Variants in TPP1 observed in about 807,000 individuals in gnomAD.
TPP1 encodes tripeptidyl-peptidase 1.
TPP1 carries 43 observed loss-of-function variants against 67.6 expected under a neutral mutation model. That is an observed-to-expected ratio of 0.64 (90% CI 0.50 to 0.82). The LOEUF (loss-of-function observed/expected upper bound fraction) is 0.82, where lower values mean the gene tolerates loss of function less well. Ranked by LOEUF, TPP1 falls within the 40% of genes least tolerant of loss-of-function variation. TPP1 has a pLI of 0.00. For missense variants in TPP1, 671 were observed against 710.9 expected, an observed-to-expected ratio of 0.94 and a Z score of 0.64; for synonymous variants, 272 against 281.5, an observed-to-expected ratio of 0.97 and a Z score of 0.34.
At position 6,619,388 on chromosome 11, in the gene TPP1, C is replaced by A. The variant is rs1216441144; in HGVS notation, c.13G>T (p.Ala5Ser). 7 of 1,614,224 alleles carry A rather than the reference C, an allele frequency of 4.3e-6. No individual in the cohort carries two copies. The highest frequency in any genetic ancestry group is 1.7e-5 in the Admixed American group (1 of 60,028). MGLQACLLGLFALIL... is the reference protein window; with the variant it reads MGLQSCLLGLFALIL... ...CGAGCCCTCTCAATTTCTCACCAGGCTTGGAGTCCCATTCTGCCCTTCCGC... is the reference window on the plus strand; with the variant it reads ...CGAGCCCTCTCAATTTCTCACCAGGATTGGAGTCCCATTCTGCCCTTCCGC... The change falls in exon 1 of 13, where the codon GCC (alanine) becomes TCC (serine). Residue 5 changes from alanine (A) to serine (S), a missense_variant. Ala to Ser is a moderately conservative substitution (Grantham distance 99). Coordinates refer to ENST00000299427, the MANE Select transcript of TPP1 (RefSeq NM_000391.4).
At position 6,613,844 on chromosome 11, in the gene TPP1, A is replaced by G. The variant is rs952612041; in HGVS notation, c.*702T>C. 3 of 153,000 alleles carry G rather than the reference A, an allele frequency of 2.0e-5. No homozygotes were observed. The highest frequency in any genetic ancestry group is 2.0e-4 in the Admixed American group (3 of 15,318). The allele number at this position is 153,000 out of a possible 1,614,324, so 9.5% of individuals were successfully genotyped here. A position where few individuals can be genotyped will look rare whatever the true frequency, so the allele number is the denominator to read the frequency against. On this transcript the variant is annotated 3_prime_UTR_variant, in exon 13 of 13. Coordinates refer to ENST00000299427, the MANE Select transcript of TPP1 (RefSeq NM_000391.4). ...GACGATGAAATGTTGAGTATCACGC[A>G]TCTTACATTTGAGGTATCAATCATT...
Position 6,616,758 on chromosome 11 carries a change from T to A in TPP1, c.789A>T (p.Gln263His). ...HQASVARVVG[Q>H]QGRGRAGIEA... ...CAATCCCGGCCCGGCCCCGGCCCTGTTGTCCAACCACACGGGCTACTGATG... is the reference window on the plus strand; with the variant it reads ...CAATCCCGGCCCGGCCCCGGCCCTGATGTCCAACCACACGGGCTACTGATG... The change falls in exon 7 of 13, where the codon CAA (glutamine) becomes CAT (histidine). Residue 263 changes from glutamine (Q) to histidine (H), a missense_variant. By Grantham distance (24) the Gln-to-His change is conservative (BLOSUM62 0). Transcript: ENST00000299427. 1 of 1,614,040 alleles carries A rather than the reference T, an allele frequency of 6.2e-7. No individual in the cohort carries two copies. Among genetic ancestry groups the A allele is most frequent in the Non-Finnish European group, 8.5e-7 (1 of 1,180,002 alleles).
chr11:6,619,027 G>T, intron 2 of TPP1, 112 bp from the exon 3 acceptor site: 1 of 1,529,522 alleles, frequency 6.5e-7, no homozygotes, highest in Non-Finnish European at 9.0e-7. Context: ...CCTAGGAGCA[G>T]ATACAGATCA....
At position 6,614,485 on chromosome 11, in the gene TPP1, T is replaced by A; in HGVS notation, c.*61A>T. 1 of 1,610,906 alleles carries A rather than the reference T, an allele frequency of 6.2e-7. No individual in the cohort carries two copies. Among genetic ancestry groups the A allele is most frequent in the South Asian group, 1.1e-5 (1 of 90,932 alleles). On this transcript the variant is annotated 3_prime_UTR_variant, in exon 13 of 13. Transcript: ENST00000299427. ...CAGCAGGGCTTCCAACAGGGCAGAA[T>A]AAGGGACTGAACTGCCAGCTTCAGG... is the stretch of plus-strand genomic sequence containing the variant.
intron 2 of TPP1, 41 bp downstream of exon 2, chr11:6,619,155 A>G (rs1332505462): frequency 6.2e-7 from 1 of 1,610,916 alleles, no homozygotes; most frequent in South Asian, 1.1e-5. Flanking sequence ...GAGGCAGAAC[A>G]GGGTATGGGG....
Position 6,617,130 on chromosome 11 carries a change from G to C in TPP1, c.532C>G (p.Pro178Ala), listed in dbSNP as rs149986601. Residue 178 changes from proline to alanine, a missense_variant, in exon 6 of 13, where the codon CCA becomes GCA. Pro to Ala is a conservative substitution (Grantham distance 27). Transcript: ENST00000299427. ...DFVGGLHRFP[P>A]TSSLRQRPEP... Reference sequence around the variant, plus strand: ...GGACGTTGCCTCAGGGATGATGTTGGGGGAAAACGGTGCAGTCCCCCCACT... The same window carrying C: ...GGACGTTGCCTCAGGGATGATGTTGCGGGAAAACGGTGCAGTCCCCCCACT... 9.9e-6 allele frequency: 16 copies of C among 1,613,964 alleles called. No individual in the cohort carries two copies. Among genetic ancestry groups the C allele is most frequent in the Non-Finnish European group, 1.4e-5 (16 of 1,180,000 alleles).
chr11:6,614,983 A>G lies in TPP1; in HGVS notation c.1434T>C (p.Thr478=), dbSNP rs1855555887. The change falls in exon 12 of 13, where the codon ACT becomes ACC. Residue 478 remains threonine, a synonymous_variant. Coordinates refer to ENST00000299427, the MANE Select transcript of TPP1 (RefSeq NM_000391.4). The stretch of plus-strand genomic sequence containing the variant: ...AGGATAGGATCCCCCCAAACACTGG[A>G]GTAGAGGCCTACAAGAGTGAAGGTG... ...IPWVSGTSAS[T]PVFGGILSLI... is the part of the protein sequence containing the mutation. The G allele has an allele frequency of 1.2e-6, 2 of 1,614,078 alleles. No homozygotes were observed. The highest frequency in any genetic ancestry group is 1.6e-4 in the Middle Eastern group (1 of 6,062).
chr11:6,615,948 A>T, intron 9 of TPP1, 57 bp downstream of exon 9: 1 of 1,583,140 alleles, frequency 6.3e-7, no homozygotes, highest in Non-Finnish European at 8.7e-7. Flanking sequence ...GTTCTACATC[A>T]TGAGATCACA....
At chr11:6,619,074 T>C (rs1855629855) in intron 2 of TPP1, 122 bp downstream of exon 2, 5 of 1,471,434 alleles carry the variant, frequency 3.4e-6, no homozygotes, top group Non-Finnish European at 4.7e-6. Flanking sequence ...GCTAGGAACA[T>C]AGAGATGAAG....
rs1057516264 is a variant in TPP1 at position 6,614,967 on chromosome 11, TC to T, written c.1449del (p.Ile484SerfsTer4). ...GTSASTPVFG[G>X]ILSLINEHRI... ...CTGTGCTCATTGATCAAGGATAGGATCCCCCCAAACACTGGAGTAGAGGCCT... is the reference window on the plus strand; with the variant it reads ...CTGTGCTCATTGATCAAGGATAGGATCCCCCAAACACTGGAGTAGAGGCCT... On this transcript the variant is annotated frameshift_variant, in exon 12 of 13. Coordinates refer to ENST00000299427, the MANE Select transcript of TPP1 (RefSeq NM_000391.4). LOFTEE classifies it high-confidence loss of function. 6.2e-7 allele frequency: 1 copy of T among 1,613,852 alleles called. No individual in the cohort carries two copies. Among genetic ancestry groups the T allele is most frequent in the Non-Finnish European group, 8.5e-7 (1 of 1,179,980 alleles).
intron 2 of TPP1, 86 bp from the exon 3 acceptor site, chr11:6,619,001 A>T: frequency 1.3e-6 from 2 of 1,585,206 alleles, no homozygotes; most frequent in South Asian, 1.1e-5. Context: ...TTAGGAGCTG[A>T]GACCTTGGGG....
chr11:6,614,966 A>G lies in TPP1; in HGVS notation c.1451T>C (p.Ile484Thr), dbSNP rs748533410. The change falls in exon 12 of 13, where the codon ATC becomes ACC. Residue 484 changes from isoleucine to threonine, a missense_variant. Ile to Thr is a moderately conservative substitution (Grantham distance 89). Coordinates refer to ENST00000299427, the MANE Select transcript of TPP1 (RefSeq NM_000391.4). ...CCTGTGCTCATTGATCAAGGATAGG[A>G]TCCCCCCAAACACTGGAGTAGAGGC... The part of the protein sequence containing the change: ...TSASTPVFGG[I>T]LSLINEHRIL... 3 of 1,614,110 alleles carry G rather than the reference A, an allele frequency of 1.9e-6. No individual in the cohort carries two copies. In the Admixed American group the frequency reaches 5.0e-5, roughly 27 times the overall value.
At chr11:6,615,351 G>A (rs1424363006) in intron 10 of TPP1, 22 bp from the exon 11 acceptor site, 5 of 1,614,056 alleles carry the variant, frequency 3.1e-6, no homozygotes, top group Middle Eastern at 1.6e-4. Context: ...TTTTGAGTGA[G>A]TATTGGCATG....
chr11:6,616,005 C>G lies in TPP1; in HGVS notation c.1145G>C (p.Ser382Thr), dbSNP rs761448855. The change falls in exon 9 of 13, where the codon AGC becomes ACC. Residue 382 changes from serine (S) to threonine (T), a missense_variant and splice_region_variant. Transcript: ENST00000299427. ...CTGAGTGGTAGGCTAGAGTACTTAC[C>G]TGGAGGCAGGGAAGGTAGGGCGGAA... is the stretch of plus-strand genomic sequence containing the variant. The part of the protein sequence containing the change: ...HQFRPTFPAS[S>T]PYVTTVGGTS... 6.2e-7 allele frequency: 1 copy of G among 1,614,156 alleles called. No homozygotes were observed. Among genetic ancestry groups the G allele is most frequent in the South Asian group, 1.1e-5 (1 of 91,080 alleles).
Position 6,618,501 on chromosome 11 carries a change from A to G in TPP1, c.229+275T>C. 2.2e-5 allele frequency: 13 copies of G among 595,632 alleles called. No individual in the cohort carries two copies. In the South Asian group the frequency reaches 2.6e-4, roughly 12 times the overall value. 36.9% of individuals were successfully genotyped at this position (595,632 alleles called of 1,614,324 possible). ...TTTGGGAGTTAGAACTGGCAGCCTT[A>G]GTATGTGAACAAAAGAGGAAATTAG... On this transcript the variant is annotated intron_variant, in intron 3 of 12. Transcript: ENST00000299427.
intron 2 of TPP1, 74 bp from the exon 3 acceptor site, chr11:6,618,989 G>C: frequency 1.3e-6 from 2 of 1,598,406 alleles, no homozygotes; most frequent in African/African-American, 1.3e-5. Context: ...GAAGGTTCCA[G>C]ATTAGGAGCT....
intron 1 of TPP1, 52 bp downstream of exon 1, chr11:6,619,332 G>A (rs199747869): frequency 1.5e-4 from 236 of 1,614,138 alleles, no homozygotes; most frequent in Admixed American, 1.8e-4. Context: ...CCCTCCCAAT[G>A]TGTGCTCCCT....
At chr11:6,615,887 G>T in intron 9 of TPP1, 118 bp downstream of exon 9, 1 of 1,206,208 alleles carries the variant, frequency 8.3e-7, no homozygotes, top group Non-Finnish European at 1.2e-6. Context: ...AACCAGGGCA[G>T]GCAAAGCTTA....
rs748423428 is a variant in TPP1, at chr11:6,619,259, C to A, written c.26G>T (p.Gly9Val). MGLQACLL[G>V]LFALILSGKC... ...GCCAGAGAGGATGAGGGCAAAGAGCCCTAGGAGGCTGTAGGGGCAGCAGGT... is the reference window on the plus strand; with the variant it reads ...GCCAGAGAGGATGAGGGCAAAGAGCACTAGGAGGCTGTAGGGGCAGCAGGT... The change falls in exon 2 of 13, where the codon GGG becomes GTG. Residue 9 changes from glycine (G) to valine (V), a missense_variant. Physicochemically the swap from Gly to Val is moderately radical, Grantham distance 109. Coordinates refer to ENST00000299427, the MANE Select transcript of TPP1 (RefSeq NM_000391.4). The A allele has an allele frequency of 6.2e-7, 1 of 1,614,120 alleles. No homozygotes were observed. The highest frequency in any genetic ancestry group is 8.5e-7 in the Non-Finnish European group (1 of 1,179,988).
Sources: gnomAD v4.1 joint callset for allele counts on GRCh38, gnomAD v4.1.1 for gene constraint, MANE v1.5 for transcripts, NCBI Gene and HGNC (gene_info 2026-07-23, HGNC 2026-07-21) for gene names.